The following TENM2 variants were observed in gnomAD, a reference collection of about 807,000 sequenced individuals.
TENM2 encodes the protein teneurin-2.
In TENM2, 52 loss-of-function variants were observed where a neutral mutation model predicts 245.2. That is an observed-to-expected ratio of 0.21 (90% CI 0.17 to 0.27). The LOEUF (loss-of-function observed/expected upper bound fraction) is 0.27, where lower values mean the gene tolerates loss of function less well. Ranked by LOEUF, TENM2 falls within the 10% of genes least tolerant of loss-of-function variation. The pLI is 1.00. For missense variants in TENM2, 3,046 were observed against 3,666.8 expected (o/e 0.83, Z 4.37); for synonymous variants, 1,363 against 1,438.9 (o/e 0.95, Z 1.19).
chr5:167,740,830 G>A (rs1761130257), intron 2 of TENM2, among the ~76,000 whole-genome samples: 1 of 151,996 alleles, frequency 6.6e-6, no homozygotes, highest in South Asian at 2.1e-4. Flanking sequence ...TTCCCTCTTG[G>A]TGATCCCTAG....
At chr5:167,557,103 G>T (rs978132545) in intron 2 of TENM2, among the ~76,000 whole-genome samples, 1 of 152,158 alleles carries the variant, frequency 6.6e-6, no homozygotes, top group South Asian at 2.1e-4. Flanking sequence ...TGAGAAAAGC[G>T]TGTGTGCGTG....
At chr5:167,484,650 G>A (rs903031203) in intron 2 of TENM2, among the ~76,000 whole-genome samples, 4 of 152,110 alleles carry the variant, frequency 2.6e-5, no homozygotes, top group African/African-American at 9.7e-5. Flanking sequence ...TTCGTACAGT[G>A]TCTTACAACA....
chr5:167,431,954 T>TAC (rs1561950374), intron 2 of TENM2, among the ~76,000 whole-genome samples: 17 of 53,988 alleles, frequency 3.1e-4, no homozygotes, highest in African/African-American at 8.4e-4. Flanking sequence ...TATATGTATA[T>TAC]ATATATGTAT....
intron 2 of TENM2, among the ~76,000 whole-genome samples, chr5:167,865,168 G>A (rs191782420): frequency 2.0e-5 from 3 of 152,288 alleles, no homozygotes; most frequent in East Asian, 1.9e-4. Context: ...ATAGTTTAAC[G>A]CCTTCATCTG....
intron 10 of TENM2, among the ~76,000 whole-genome samples, chr5:168,120,971 G>A (rs1477511404): frequency 6.6e-6 from 1 of 152,172 alleles, no homozygotes; most frequent in Non-Finnish European, 1.5e-5. Context: ...GTGGGAAGGT[G>A]ATGAGAGAGG....
At chr5:167,119,476 T>A in the TENM2 span, 1 of 152,260 alleles carries the variant, frequency 6.6e-6, no homozygotes, top group Non-Finnish European at 1.5e-5. Context: ...CTCACAGTTC[T>A]GGAGGCGGAA....
At chr5:167,035,726 T>A in the TENM2 span, among the ~76,000 whole-genome samples, 1 of 152,120 alleles carries the variant, frequency 6.6e-6, no homozygotes, top group Non-Finnish European at 1.5e-5. Context: ...AAGCACATGA[T>A]GAATTGATGA....
At chr5:167,983,160 C>T (rs548996870) in intron 4 of TENM2, among the ~76,000 whole-genome samples, 11 of 148,692 alleles carry the variant, frequency 7.4e-5, no homozygotes, top group South Asian at 2.2e-4. Context: ...AAGTTAACAA[C>T]TCCAGAGGGG....
chr5:167,884,822 G>T (rs1045494965), intron 3 of TENM2, among the ~76,000 whole-genome samples: 7 of 152,096 alleles, frequency 4.6e-5, no homozygotes, highest in African/African-American at 7.2e-5. Flanking sequence ...ATTTTTTAAA[G>T]ATTTGACATG....
intron 2 of TENM2, among the ~76,000 whole-genome samples, chr5:167,386,481 T>C (rs1227878067): frequency 1.3e-5 from 2 of 152,218 alleles, no homozygotes; most frequent in Non-Finnish European, 2.9e-5. Context: ...TTTACTCTGC[T>C]GACTTTTCCT....
chr5:167,593,890 G>C (rs1186009118), intron 2 of TENM2, among the ~76,000 whole-genome samples: 1 of 152,154 alleles, frequency 6.6e-6, no homozygotes, highest in African/African-American at 2.4e-5. Context: ...CCTCGCCTCA[G>C]TGAAATATCC....
intron 13 of TENM2, among the ~76,000 whole-genome samples, chr5:168,174,609 G>A (rs568885657): frequency 3.9e-5 from 6 of 152,330 alleles, no homozygotes; most frequent in South Asian, 2.1e-4. Flanking sequence ...ATGCTGTTGC[G>A]TTGAGAACCA....
chr5:167,561,774 C>T (rs1409929082), intron 2 of TENM2, among the ~76,000 whole-genome samples: 1 of 152,166 alleles, frequency 6.6e-6, no homozygotes, highest in Non-Finnish European at 1.5e-5. Context: ...ACCACATTTA[C>T]ATCTTTTGTA....
At position 168,090,501 on chromosome 5, in the gene TENM2, G is replaced by A. The variant is rs1045459519; in HGVS notation, c.1516-73G>A. 101 of 1,360,786 alleles carry A rather than the reference G, an allele frequency of 7.4e-5. 1 individual carries two copies. The highest frequency in any genetic ancestry group is 1.3e-4 in the Admixed American group (6 of 45,418). 84.3% of individuals were successfully genotyped at this position (1,360,786 alleles called of 1,614,324 possible). ...TCTTTCTCCATTAACAAATGGGTTC[G>A]GGGGGAAGGTACCAGGTATGGGACC... On this transcript the variant is annotated intron_variant, in intron 7 of 28. Coordinates refer to ENST00000518659, the Ensembl canonical transcript of TENM2.
chr5:167,547,817 C>A (rs944089281), intron 2 of TENM2, among the ~76,000 whole-genome samples: 1 of 152,190 alleles, frequency 6.6e-6, no homozygotes, highest in Non-Finnish European at 1.5e-5. Context: ...TGTTTTATCA[C>A]ATGTCCAACA....
chr5:167,961,305 A>G (rs1269953602), intron 4 of TENM2, among the ~76,000 whole-genome samples: 1 of 152,262 alleles, frequency 6.6e-6, no homozygotes, highest in African/African-American at 2.4e-5. Context: ...GCTTTGCTGG[A>G]AGCTGACTGG....
the TENM2 span, among the ~76,000 whole-genome samples, chr5:167,081,054 G>A: frequency 1.3e-5 from 2 of 151,670 alleles, no homozygotes; most frequent in Non-Finnish European, 2.9e-5. Flanking sequence ...TAATCAAATT[G>A]AGAAGTTTAT....
At chr5:167,161,414 A>C in the TENM2 span, among the ~76,000 whole-genome samples, 6 of 152,340 alleles carry the variant, frequency 3.9e-5, no homozygotes, top group South Asian at 1.0e-3. Context: ...CCGTTCTTCA[A>C]CTATGAATGT....
At chr5:168,171,702 C>A (rs904716939) in intron 13 of TENM2, among the ~76,000 whole-genome samples, 1 of 151,910 alleles carries the variant, frequency 6.6e-6, no homozygotes, top group Non-Finnish European at 1.5e-5. Context: ...ATGTTTTTTT[C>A]CCCCTGATTA....
Sources: gnomAD v4.1 joint callset for allele counts (sites outside exome capture counted in the v4.1 genomes callset) on GRCh38, gnomAD v4.1.1 for gene constraint, MANE v1.5 for transcripts, NCBI Gene and HGNC (gene_info 2026-07-23, HGNC 2026-07-21) for gene names.